Variants in ZNF528 observed in about 807,000 individuals in gnomAD.
The protein encoded by ZNF528 is zinc finger protein 528.
ZNF528 carries 9 observed loss-of-function variants against 13.3 expected under a neutral mutation model. The observed-to-expected ratio is 0.67, with a 90% CI of 0.41 to 1.18. The LOEUF (loss-of-function observed/expected upper bound fraction) is 1.18, where lower values mean the gene tolerates loss of function less well. ZNF528 is among the 50% of genes most tolerant of loss of function. The pLI is 0.01. For synonymous variants in ZNF528, 264 were observed against 254.3 expected (o/e 1.04, Z -0.36); for missense variants, 858 against 745.4 (o/e 1.15, Z -1.76).
Position 52,415,856 on chromosome 19 carries a change from G to T in ZNF528, c.1004G>T (p.Ser335Ile). 6.2e-7 allele frequency: 1 copy of T among 1,613,848 alleles called. No homozygotes were observed. The highest frequency in any genetic ancestry group is 8.5e-7 in the Non-Finnish European group (1 of 1,179,878). Residue 335 changes from serine to isoleucine, a missense_variant, in exon 7 of 7, where the codon AGT (serine) becomes ATT (isoleucine). Transcript: ENST00000360465. The stretch of plus-strand genomic sequence containing the variant: ...TGTAATAAATGTGGCAAGGTCTTTA[G>T]TCGCCATTCATATCTAGCAGAACAT... ...YSCNKCGKVF[S>I]RHSYLAEHQT...
rs772567940 is a variant in ZNF528, at chr19:52,401,770, A to G, written c.-68+17A>G. The G allele has an allele frequency of 1.3e-5, 19 of 1,497,148 alleles. 1 individual carries two copies. The South Asian group carries it at 2.0e-4, about 15-fold the overall frequency. 92.7% of individuals were successfully genotyped at this position (1,497,148 alleles called of 1,614,324 possible). On this transcript the variant is annotated intron_variant, in intron 3 of 6. Transcript: ENST00000360465. ...ACAGACGAGGTACCTTAACCACATA[A>G]TGGTTGATTTCCAAAATTATTAACA...
chr19:52,407,357 G>A (rs181409851), intron 6 of ZNF528, among the ~76,000 whole-genome samples: 6 of 152,198 alleles, frequency 3.9e-5, no homozygotes, highest in Admixed American at 2.6e-4. Flanking sequence ...ACAGGCTAGT[G>A]TTGAACTCCT....
chr19:52,412,330 A>T (rs2058941185), intron 6 of ZNF528: 1 of 152,354 alleles, frequency 6.6e-6, no homozygotes, highest in South Asian at 2.1e-4. Flanking sequence ...GACTACAGTG[A>T]TGCCTTGCAA....
chr19:52,416,882 C>T lies in ZNF528; in HGVS notation c.*143C>T, dbSNP rs900577330. ...CAAGGCCTGCCAAATCACTGGACAT[C>T]ACCACATCACTGTGGAGGATGAAAG... is the stretch of plus-strand genomic sequence containing the variant. On this transcript the variant is annotated 3_prime_UTR_variant, in exon 7 of 7. Transcript: ENST00000360465. The T allele has an allele frequency of 1.3e-6, 1 of 773,404 alleles. No individual in the cohort carries two copies. Among genetic ancestry groups the T allele is most frequent in the African/African-American group, 1.7e-5 (1 of 57,162 alleles). The allele number at this position is 773,404 out of a possible 1,614,324, so 47.9% of individuals were successfully genotyped here. A position where few individuals can be genotyped will look rare whatever the true frequency, so the allele number is the denominator to read the frequency against.
At position 52,415,127 on chromosome 19, in the gene ZNF528, G is replaced by A. The variant is rs762798634; in HGVS notation, c.275G>A (p.Arg92Lys). The A allele has an allele frequency of 1.9e-6, 3 of 1,608,998 alleles. No homozygotes were observed. The highest frequency in any genetic ancestry group is 2.5e-6 in the Non-Finnish European group (3 of 1,177,466). Residue 92 changes from arginine to lysine, a missense_variant, in exon 7 of 7, where the codon AGG (arginine) becomes AAG (lysine). Arg to Lys is a conservative substitution (Grantham distance 26, BLOSUM62 2). Transcript: ENST00000360465. ...CACTTTTTTCTTTCTGTTTTAGAGA[G>A]GAGCTCTAAATTGGGAAGTAATGCA... ...RECIKGVNTERSSKLGSNAGN... is the reference protein window; with the variant it reads ...RECIKGVNTEKSSKLGSNAGN...
rs1401535639 is a variant in ZNF528 at position 52,415,725 on chromosome 19, T to G, written c.873T>G (p.His291Gln). The change falls in exon 7 of 7, where the codon CAT (histidine) becomes CAG (glutamine). Residue 291 changes from histidine (H) to glutamine (Q), a missense_variant. Physicochemically the swap from His to Gln is conservative, Grantham distance 24 (BLOSUM62 0). Coordinates refer to ENST00000360465, the MANE Select transcript of ZNF528 (RefSeq NM_032423.3). ...SSKLAQHQRI[H>Q]TGEKPYKCHE... ...AGCTTGCACAACATCAAAGAATTCA[T>G]ACTGGAGAGAAGCCTTACAAATGTC... 6.2e-7 allele frequency: 1 copy of G among 1,614,150 alleles called. No individual in the cohort carries two copies. The highest frequency in any genetic ancestry group is 1.1e-5 in the South Asian group (1 of 91,086).
Position 52,416,607 on chromosome 19 carries a change from C to A in ZNF528, c.1755C>A (p.Ile585=). The A allele has an allele frequency of 1.2e-6, 2 of 1,614,168 alleles. No individual in the cohort carries two copies. The highest frequency in any genetic ancestry group is 1.7e-6 in the Non-Finnish European group (2 of 1,180,022). Residue 585 remains isoleucine, a synonymous_variant, in exon 7 of 7, where the codon ATC becomes ATA. Transcript: ENST00000360465. ...ATGAGTGTAAAGAATGTGGCAAGAT[C>A]TTCACTCAGAAGTCTTCCCTCACCA... ...KSHECKECGK[I]FTQKSSLTNH... is the part of the protein sequence containing the mutation.
chr19:52,406,248 C>G (rs903353137), intron 5 of ZNF528, among the ~76,000 whole-genome samples: 3 of 152,220 alleles, frequency 2.0e-5, no homozygotes, highest in African/African-American at 7.2e-5. Flanking sequence ...GCACCAGGGC[C>G]GAAGTATGCA....
At chr19:52,401,901 A>G (rs2058799182) in intron 3 of ZNF528, 46 bp from the exon 4 acceptor site, 1 of 1,588,468 alleles carries the variant, frequency 6.3e-7, no homozygotes, top group East Asian at 2.3e-5. Context: ...CACAGGAAGG[A>G]GGTATGTTGA....
chr19:52,401,797 C>A, intron 3 of ZNF528, 44 bp downstream of exon 3: 2 of 1,488,410 alleles, frequency 1.3e-6, no homozygotes, highest in Non-Finnish European at 9.0e-7. Flanking sequence ...TTATTAACAT[C>A]TGCTTGCTCA....
chr19:52,413,331 TC>T (rs1297316338), intron 6 of ZNF528: 1 of 152,168 alleles, frequency 6.6e-6, no homozygotes, highest in Non-Finnish European at 1.5e-5. Flanking sequence ...CAATTTAAAT[TC>T]CGTGTCAGAT....
intron 6 of ZNF528, chr19:52,411,406 G>A (rs909196926): frequency 6.6e-6 from 1 of 152,176 alleles, no homozygotes; most frequent in African/African-American, 2.4e-5. Context: ...GGTAAACCTT[G>A]CTGTAATGCA....
chr19:52,398,837 G>A (rs2058758795), intron 2 of ZNF528, among the ~76,000 whole-genome samples: 1 of 152,116 alleles, frequency 6.6e-6, no homozygotes, highest in South Asian at 2.1e-4. Context: ...GGGGCAGCTG[G>A]TCACAAGGAG....
At chr19:52,410,012 G>A (rs1367089459) in intron 6 of ZNF528, among the ~76,000 whole-genome samples, 1 of 152,034 alleles carries the variant, frequency 6.6e-6, no homozygotes, top group Non-Finnish European at 1.5e-5. Flanking sequence ...ACCATGCCCA[G>A]CCAGGTCTCT....
chr19:52,416,652 T>C lies in ZNF528; in HGVS notation c.1800T>C (p.Ile600=). Residue 600 remains isoleucine, a synonymous_variant, in exon 7 of 7, where the codon ATT becomes ATC. Coordinates refer to ENST00000360465, the MANE Select transcript of ZNF528 (RefSeq NM_032423.3). ...TCACCAATCACCATAGAATTCACAT[T>C]GGAGAGAAACCTTACAAATGCACCC... ...SSLTNHHRIH[I]GEKPYKCTLC... 2 of 1,614,150 alleles carry C rather than the reference T, an allele frequency of 1.2e-6. No homozygotes were observed. Among genetic ancestry groups the C allele is most frequent in the South Asian group, 1.1e-5 (1 of 91,082 alleles).
intron 6 of ZNF528, among the ~76,000 whole-genome samples, chr19:52,409,120 C>T (rs528222588): frequency 6.6e-6 from 1 of 152,090 alleles, no homozygotes; most frequent in South Asian, 2.1e-4. Flanking sequence ...TGCTTTCTAG[C>T]CTGAAGATGT....
rs771082741 is a variant in ZNF528 at position 52,405,980 on chromosome 19, G to A, written c.89G>A (p.Arg30Lys). The change falls in exon 5 of 7, where the codon AGG (arginine) becomes AAG (lysine). Residue 30 changes from arginine to lysine, a missense_variant. Coordinates refer to ENST00000360465, the MANE Select transcript of ZNF528 (RefSeq NM_032423.3). ...TGGAAATGCCTGGACCCTGCGCAGA[G>A]GACTTTATACAGGGACGTGATGTTG... ...EEWKCLDPAQ[R>K]TLYRDVMLEN... 8.7e-6 allele frequency: 14 copies of A among 1,612,046 alleles called. No homozygotes were observed. Among genetic ancestry groups the A allele is most frequent in the Admixed American group, 1.7e-5 (1 of 59,954 alleles).
chr19:52,403,766 CATGTG>C (rs1442896799), intron 4 of ZNF528, among the ~76,000 whole-genome samples: 51 of 150,590 alleles, frequency 3.4e-4, no homozygotes, highest in Admixed American at 2.5e-3. Context: ...TAAGTGTGTA[CATGTG>C]ATGTGTGTGG....
Position 52,398,426 on chromosome 19 carries a change from C to G in ZNF528, c.-330C>G, listed in dbSNP as rs1009033744. The stretch of plus-strand genomic sequence containing the variant: ...CGAGTGTGGGGGGTGACTTCAGTCT[C>G]CTGACATCCAGTGTTCTCTCGAGCC... On this transcript the variant is annotated 5_prime_UTR_variant, in exon 2 of 7. Transcript: ENST00000360465. 7.5e-6 allele frequency: 2 copies of G among 264,916 alleles called. No individual in the cohort carries two copies. Among genetic ancestry groups the G allele is most frequent in the African/African-American group, 2.3e-5 (1 of 43,674 alleles). 16.4% of individuals were successfully genotyped at this position (264,916 alleles called of 1,614,324 possible). A position where few individuals can be genotyped will look rare whatever the true frequency, so the allele number is the denominator to read the frequency against.
Sources: allele counts gnomAD v4.1 joint callset (sites outside exome capture counted in the v4.1 genomes callset), GRCh38; gene constraint gnomAD v4.1.1; transcripts MANE v1.5; gene names NCBI Gene and HGNC (gene_info 2026-07-23, HGNC 2026-07-21).